Variants in ANKS1B observed in about 807,000 individuals in gnomAD.
ANKS1B encodes ankyrin repeat and sterile alpha motif domain containing 1B.
Under a neutral mutation model 148.3 loss-of-function variants are expected in ANKS1B, and 36 were observed. The ratio of observed to expected loss-of-function variants is 0.24; its 90% CI spans 0.19 to 0.32. The LOEUF (loss-of-function observed/expected upper bound fraction) is 0.32, where lower values mean the gene tolerates loss of function less well. Ranked by LOEUF, ANKS1B falls within the 10% of genes least tolerant of loss-of-function variation. The probability of loss-of-function intolerance (pLI) is 1.00; values close to 1 mark genes in which losing one functional copy is unlikely to be tolerated. For missense variants in ANKS1B, 1,157 were observed against 1,542.6 expected, an observed-to-expected ratio of 0.75 and a Z score of 4.19; for synonymous variants, 542 against 560.8, an observed-to-expected ratio of 0.97 and a Z score of 0.47.
chr12:98,759,281 A>ACTTG (rs2098341619), intron 25 of ANKS1B, among the ~76,000 whole-genome samples: 1 of 152,134 alleles, frequency 6.6e-6, no homozygotes, highest in South Asian at 2.1e-4. Context: ...GATATTTACC[A>ACTTG]AGCTCCTTCC....
At chr12:98,781,808 G>A (rs1018440657) in intron 23 of ANKS1B, among the ~76,000 whole-genome samples, 6 of 152,176 alleles carry the variant, frequency 3.9e-5, no homozygotes, top group Non-Finnish European at 7.3e-5. Flanking sequence ...TGATGCTCTA[G>A]AACAATGAAG....
chr12:99,746,063 T>C (rs1263664029), intron 8 of ANKS1B, among the ~76,000 whole-genome samples: 37 of 152,148 alleles, frequency 2.4e-4, no homozygotes, highest in Admixed American at 2.4e-3. Flanking sequence ...GTTATGTAAG[T>C]AATTTGTGTC....
intron 4 of ANKS1B, among the ~76,000 whole-genome samples, chr12:99,804,183 G>T (rs996407856): frequency 5.9e-5 from 9 of 152,130 alleles, no homozygotes; most frequent in African/African-American, 2.2e-4. Context: ...GTGCAATCAA[G>T]TTTAAAAATA....
At chr12:99,195,241 T>C (rs1470574136) in intron 14 of ANKS1B, among the ~76,000 whole-genome samples, 3 of 152,180 alleles carry the variant, frequency 2.0e-5, no homozygotes, top group Non-Finnish European at 4.4e-5. Flanking sequence ...ATACTCTTCA[T>C]GGACACTAAT....
At chr12:99,681,428 A>C (rs1223796172) in intron 8 of ANKS1B, among the ~76,000 whole-genome samples, 1 of 152,210 alleles carries the variant, frequency 6.6e-6, no homozygotes, top group East Asian at 1.9e-4. Flanking sequence ...ACACTCACGG[A>C]GTCCACTTCA....
At chr12:99,516,376 T>A (rs2096821267) in intron 9 of ANKS1B, among the ~76,000 whole-genome samples, 1 of 152,140 alleles carries the variant, frequency 6.6e-6, no homozygotes, top group Non-Finnish European at 1.5e-5. Flanking sequence ...CATATAGGTA[T>A]CAAGTTTTGC....
chr12:99,556,375 A>C (rs184649432), intron 9 of ANKS1B, among the ~76,000 whole-genome samples: 2 of 152,094 alleles, frequency 1.3e-5, no homozygotes, highest in African/African-American at 4.8e-5. Flanking sequence ...TATTCTTTCA[A>C]ATAAGAAACT....
At chr12:98,735,700 G>GAGAT in intron 9 of ANKS1B, 1 of 682,164 alleles carries the variant, frequency 1.5e-6, no homozygotes, top group East Asian at 2.6e-5. Flanking sequence ...AATAAATATT[G>GAGAT]AGATGTACCA....
At chr12:99,856,427 CA>C (rs148356834) in intron 1 of ANKS1B, among the ~76,000 whole-genome samples, 16,313 of 149,658 alleles carry the variant, frequency 0.11, 962 homozygotes, top group South Asian at 0.16. Context: ...TAAAAGTTAC[CA>C]AAAAAAAAGT....
chr12:99,223,279 G>A (rs938923750), intron 14 of ANKS1B, among the ~76,000 whole-genome samples: 1 of 152,208 alleles, frequency 6.6e-6, no homozygotes, highest in Non-Finnish European at 1.5e-5. Context: ...TGTTATGGAA[G>A]ACAATTTTTC....
intron 1 of ANKS1B, among the ~76,000 whole-genome samples, chr12:99,968,036 G>T (rs1187506189): frequency 6.6e-6 from 1 of 152,264 alleles, no homozygotes; most frequent in East Asian, 1.9e-4. Context: ...TGAGTTTGGG[G>T]TAGAAGAAGC....
chr12:99,344,429 A>G (rs1837522521), intron 12 of ANKS1B, among the ~76,000 whole-genome samples: 1 of 152,018 alleles, frequency 6.6e-6, no homozygotes. Context: ...GGTTTTTGGA[A>G]TATGTAAATT....
rs576213607 is a variant in ANKS1B at position 99,246,305 on chromosome 12, T to A, written c.2316A>T (p.Arg772Ser). ...CCCATTCCGATGTGAAGGATGGTGTTCTTTCAGAATTCCCTTTAGAACTGT... is the reference window on the plus strand; with the variant it reads ...CCCATTCCGATGTGAAGGATGGTGTACTTTCAGAATTCCCTTTAGAACTGT... Reference protein sequence around the residue: ...AEHSSKGNSERTPSFTSEWEE... With the variant: ...AEHSSKGNSESTPSFTSEWEE... The change falls in exon 13 of 27, where the codon AGA becomes AGT. Residue 772 changes from arginine (R) to serine (S), a missense_variant. Arg to Ser is a moderately radical substitution (Grantham distance 110, BLOSUM62 -1). Around this residue, in one of 6 missense-constraint regions of ANKS1B, gnomAD observed 661 missense variants for 642.1 expected, o/e 1.03. Transcript: ENST00000683438. 1.9e-6 allele frequency: 3 copies of A among 1,600,630 alleles called. No individual in the cohort carries two copies. Among genetic ancestry groups the A allele is most frequent in the Non-Finnish European group, 2.6e-6 (3 of 1,173,442 alleles).
At chr12:98,956,734 T>C (rs1286221076) in intron 17 of ANKS1B, among the ~76,000 whole-genome samples, 3 of 152,146 alleles carry the variant, frequency 2.0e-5, no homozygotes, top group African/African-American at 4.8e-5. Context: ...TCCTTCCTAC[T>C]TACTTACAGT....
intron 19 of ANKS1B, among the ~76,000 whole-genome samples, chr12:98,815,795 G>T (rs1048304603): frequency 6.6e-6 from 1 of 152,014 alleles, no homozygotes; most frequent in African/African-American, 2.4e-5. Context: ...GTCACTACTT[G>T]CTCCAAGCTA....
At chr12:99,361,033 C>T (rs187527827) in intron 12 of ANKS1B, among the ~76,000 whole-genome samples, 21 of 152,046 alleles carry the variant, frequency 1.4e-4, no homozygotes, top group Middle Eastern at 3.4e-3. Context: ...ATGAAGAAGA[C>T]CTACTATTTG....
intron 17 of ANKS1B, among the ~76,000 whole-genome samples, chr12:98,980,532 A>T (rs1219811825): frequency 6.6e-6 from 1 of 152,170 alleles, no homozygotes. Flanking sequence ...ACATTCTTGT[A>T]TGCTAGTTCC....
intron 14 of ANKS1B, among the ~76,000 whole-genome samples, chr12:99,172,640 G>A (rs913929015): frequency 2.0e-5 from 3 of 152,168 alleles, no homozygotes; most frequent in Non-Finnish European, 4.4e-5. Flanking sequence ...TTGGTCTAAT[G>A]TTGGTTCAAA....
Position 99,524,702 on chromosome 12 carries a change from C to T in ANKS1B, c.1273-20061G>A, listed in dbSNP as rs566148826. The stretch of plus-strand genomic sequence containing the variant: ...TGCTGGGGAGGCCTCACAATCATGG[C>T]AGAAGAGCAAGGGACGTCTTACATG... On this transcript the variant is annotated intron_variant, in intron 9 of 26. Coordinates refer to ENST00000683438, the MANE Select transcript of ANKS1B (RefSeq NM_001352186.2). Among the ~76,000 whole-genome samples, 231 of 152,200 alleles carry T rather than the reference C, an allele frequency of 1.5e-3. 1 individual carries two copies. Among genetic ancestry groups the T allele is most frequent in the Admixed American group, 3.5e-3 (53 of 15,288 alleles).
Sources: allele counts gnomAD v4.1 joint callset (sites outside exome capture counted in the v4.1 genomes callset), GRCh38; gene constraint gnomAD v4.1.1; regional missense constraint gnomAD v4.1.1; transcripts MANE v1.5; gene names NCBI Gene and HGNC (gene_info 2026-07-23, HGNC 2026-07-21).